The following CAAP1 variants were observed in gnomAD, a reference collection of about 807,000 sequenced individuals.
CAAP1 encodes the protein conserved anti-apoptotic protein.
In CAAP1, 20 loss-of-function variants were observed where a neutral mutation model predicts 34.0. That is an observed-to-expected ratio of 0.59 (90% confidence interval 0.41 to 0.86). CAAP1 has a LOEUF of 0.86. Ranked by LOEUF, CAAP1 falls within the 40% of genes least tolerant of loss-of-function variation. CAAP1 has a pLI of 0.00. For synonymous variants in CAAP1, 213 were observed against 166.7 expected, an observed-to-expected ratio of 1.28 and a Z score of -2.14; for missense variants, 538 against 450.5, an observed-to-expected ratio of 1.19 and a Z score of -1.76.
At chr9:26,868,626 A>G (rs1262223055) in intron 4 of CAAP1, among the ~76,000 whole-genome samples, 1 of 152,226 alleles carries the variant, frequency 6.6e-6, no homozygotes, top group Non-Finnish European at 1.5e-5. Flanking sequence ...AAACTAACAC[A>G]CTTATAATTT....
At chr9:26,870,191 G>T (rs895834205) in intron 4 of CAAP1, among the ~76,000 whole-genome samples, 15 of 151,956 alleles carry the variant, frequency 9.9e-5, no homozygotes, top group African/African-American at 3.6e-4. Flanking sequence ...ACAAACTCAT[G>T]CCCTGCCATT....
intron 4 of CAAP1, among the ~76,000 whole-genome samples, chr9:26,863,135 T>C (rs946095915): frequency 2.6e-5 from 4 of 152,276 alleles, no homozygotes; most frequent in Admixed American, 6.5e-5. Flanking sequence ...TAAATAAAAA[T>C]TGGACCCCTC....
At chr9:26,859,893 GCT>G (rs1344026557) in intron 5 of CAAP1, among the ~76,000 whole-genome samples, 1 of 152,130 alleles carries the variant, frequency 6.6e-6, no homozygotes, top group Non-Finnish European at 1.5e-5. Flanking sequence ...TCTAGATTTT[GCT>G]CTCTCTACAT....
intron 5 of CAAP1, among the ~76,000 whole-genome samples, chr9:26,856,128 A>AG (rs11373747): frequency 0.23 from 34,065 of 145,516 alleles, 4,464 homozygotes; most frequent in East Asian, 0.66. Flanking sequence ...TTTTTTTAAA[A>AG]GGGGGGGGGT....
At chr9:26,864,490 A>AC (rs111799883) in intron 4 of CAAP1, among the ~76,000 whole-genome samples, 6,486 of 152,202 alleles carry the variant, frequency 0.043, 475 homozygotes, top group African/African-American at 0.15. Context: ...GCTGAAGGAA[A>AC]CTTATCTCTG....
At chr9:26,860,724 G>A (rs925329098) in intron 5 of CAAP1, among the ~76,000 whole-genome samples, 1 of 152,130 alleles carries the variant, frequency 6.6e-6, no homozygotes, top group African/African-American at 2.4e-5. Flanking sequence ...CCGGGAGGCT[G>A]AGCTTGCAGT....
At position 26,842,636 on chromosome 9, in the gene CAAP1, C is replaced by T; in HGVS notation, c.751G>A (p.Asp251Asn). 6.3e-7 allele frequency: 1 copy of T among 1,598,204 alleles called. No homozygotes were observed. The highest frequency in any genetic ancestry group is 8.5e-7 in the Non-Finnish European group (1 of 1,172,510). Residue 251 changes from aspartate (D) to asparagine (N), a missense_variant, in exon 6 of 6, where the codon GAT becomes AAT. By Grantham distance (23) the Asp-to-Asn change is conservative. Around this residue, in one of 3 missense-constraint regions of CAAP1, gnomAD observed 514 missense variants for 408.4 expected, o/e 1.26. Coordinates refer to ENST00000333916, the MANE Select transcript of CAAP1 (RefSeq NM_024828.4). ...GCATTTATACTGAGTACATCACTAT[C>T]TTCCCCTTTTCCTGTAACCAAAAAA... ...GLELKQGKGE[D>N]SDVLSINADA...
chr9:26,885,948 A>C (rs1337107287), intron 3 of CAAP1, among the ~76,000 whole-genome samples, 156 bp downstream of exon 3: 1 of 152,174 alleles, frequency 6.6e-6, no homozygotes. Flanking sequence ...TGATATGTAA[A>C]CTATATTTTT....
intron 2 of CAAP1, among the ~76,000 whole-genome samples, chr9:26,886,997 C>A (rs555128844): frequency 1.4e-4 from 21 of 152,246 alleles, no homozygotes; most frequent in African/African-American, 3.6e-4. Context: ...GGGCAGATCA[C>A]GAGGTCAGGA....
intron 5 of CAAP1, among the ~76,000 whole-genome samples, chr9:26,853,163 C>A (rs546795302): frequency 6.6e-6 from 1 of 152,188 alleles, no homozygotes; most frequent in East Asian, 1.9e-4. Flanking sequence ...GAAAGAGACT[C>A]CCGGGAGCAT....
At position 26,889,843 on chromosome 9, in the gene CAAP1, G is replaced by A. The variant is rs995329866; in HGVS notation, c.304-2330C>T. 5.4e-5 allele frequency among the ~76,000 whole-genome samples: 8 copies of A among 148,062 alleles called. No individual in the cohort carries two copies. The East Asian group carries it at 1.6e-3, about 29-fold the overall frequency. ...AGATCACGCCACTGCACTCCAGCCT[G>A]GGCGACAGAGCGAGACTCTGTCTCA... On this transcript the variant is annotated intron_variant, in intron 1 of 5. Transcript: ENST00000333916.
chr9:26,878,010 T>C (rs750690836), intron 4 of CAAP1, among the ~76,000 whole-genome samples: 8 of 152,172 alleles, frequency 5.3e-5, no homozygotes, highest in Non-Finnish European at 1.2e-4. Context: ...CCTTCTAACT[T>C]ACTCGACTAT....
At chr9:26,877,828 A>T (rs1417049170) in intron 4 of CAAP1, among the ~76,000 whole-genome samples, 1 of 151,948 alleles carries the variant, frequency 6.6e-6, no homozygotes, top group Non-Finnish European at 1.5e-5. Flanking sequence ...TATTTATTAC[A>T]TATATTTCCT....
At position 26,841,031 on chromosome 9, in the gene CAAP1, C is replaced by G. The variant is rs542582660; in HGVS notation, c.*1270G>C. The G allele has an allele frequency of 2.0e-4, 30 of 152,154 alleles. No homozygotes were observed. In the East Asian group the frequency reaches 4.3e-3, roughly 22 times the overall value. 9.4% of individuals were successfully genotyped at this position (152,154 alleles called of 1,614,324 possible). On this transcript the variant is annotated 3_prime_UTR_variant, in exon 6 of 6. Coordinates refer to ENST00000333916, the MANE Select transcript of CAAP1 (RefSeq NM_024828.4). Reference sequence around the variant, plus strand: ...TCCAAGGCATGTTCAGGAACAACAACAACAAAAAGAATTTGTAACTGCAAT... The same window carrying G: ...TCCAAGGCATGTTCAGGAACAACAAGAACAAAAAGAATTTGTAACTGCAAT...
At chr9:26,874,964 A>C (rs1670882332) in intron 4 of CAAP1, among the ~76,000 whole-genome samples, 1 of 152,214 alleles carries the variant, frequency 6.6e-6, no homozygotes, top group Non-Finnish European at 1.5e-5. Context: ...ACACTTGTGC[A>C]TAATTCTGTA....
intron 5 of CAAP1, among the ~76,000 whole-genome samples, chr9:26,843,678 G>C (rs1822533675): frequency 6.6e-6 from 1 of 151,860 alleles, no homozygotes; most frequent in Admixed American, 6.6e-5. Context: ...CCTTACAGTA[G>C]GGAAAGCTTC....
intron 5 of CAAP1, among the ~76,000 whole-genome samples, chr9:26,849,093 A>G (rs1395703271): frequency 6.6e-6 from 1 of 152,196 alleles, no homozygotes; most frequent in Non-Finnish European, 1.5e-5. Flanking sequence ...GATAGCAGGA[A>G]AACAAGAGAA....
chr9:26,849,397 T>C (rs1433926900), intron 5 of CAAP1, among the ~76,000 whole-genome samples: 2 of 152,238 alleles, frequency 1.3e-5, no homozygotes, highest in Non-Finnish European at 2.9e-5. Flanking sequence ...GCACAGTTAA[T>C]GTAAGGAATA....
At chr9:26,892,078 A>AG (rs769013333) in intron 1 of CAAP1, among the ~76,000 whole-genome samples, 2 of 152,116 alleles carry the variant, frequency 1.3e-5, no homozygotes, top group African/African-American at 4.8e-5. Context: ...AGACGAAGGG[A>AG]GAAGTGTTTG....
Sources: gnomAD v4.1 joint callset for allele counts (sites outside exome capture counted in the v4.1 genomes callset) on GRCh38, gnomAD v4.1.1 for gene constraint, gnomAD v4.1.1 regional missense constraint, MANE v1.5 for transcripts, NCBI Gene and HGNC (gene_info 2026-07-23, HGNC 2026-07-21) for gene names.